The following USH2A variants were observed in gnomAD, a reference collection of about 807,000 sequenced individuals.
USH2A encodes Usher syndrome 2A (autosomal recessive, mild).
Under a neutral mutation model 538.9 loss-of-function variants are expected in USH2A, and 443 were observed. The ratio of observed to expected loss-of-function variants is 0.82; its 90% confidence interval spans 0.76 to 0.89. The LOEUF is 0.89. USH2A is among the 40% of genes least tolerant of loss of function. USH2A has a pLI of 0.00. For missense variants in USH2A, 6,633 were observed against 6,324.8 expected (o/e 1.05, Z -1.65); for synonymous variants, 2,413 against 2,273.5 (o/e 1.06, Z -1.75).
chr1:215,992,407 G>A (rs1046771543), intron 35 of USH2A, among the ~76,000 whole-genome samples: 6 of 151,792 alleles, frequency 4.0e-5, no homozygotes, highest in Non-Finnish European at 5.9e-5. Flanking sequence ...TTAGTGAAAC[G>A]TAACTGACTA....
rs1378545548 is a variant in USH2A at position 215,790,048 on chromosome 1, C to G, written c.10182+11G>C. ...CAAATCAGCGCCTCCGAGAGCTTTT[C>G]TATCAATTACCTTCATCATCATTCC... On this transcript the variant is annotated intron_variant, in intron 51 of 71. Transcript: ENST00000307340. 1 of 1,612,130 alleles carries G rather than the reference C, an allele frequency of 6.2e-7. No homozygotes were observed. The highest frequency in any genetic ancestry group is 1.1e-5 in the South Asian group (1 of 91,068).
At chr1:216,192,737 T>C (rs1459267761) in intron 19 of USH2A, among the ~76,000 whole-genome samples, 1 of 151,870 alleles carries the variant, frequency 6.6e-6, no homozygotes, top group East Asian at 1.9e-4. Flanking sequence ...TAAGGTGATA[T>C]ATCTATGTCC....
chr1:216,126,446 A>T (rs1360960448), intron 21 of USH2A, among the ~76,000 whole-genome samples: 1 of 151,990 alleles, frequency 6.6e-6, no homozygotes, highest in East Asian at 1.9e-4. Context: ...GCTGGTCTTG[A>T]ACTCCTGACC....
At chr1:215,649,966 C>T (rs1013928940) in intron 65 of USH2A, among the ~76,000 whole-genome samples, 2 of 152,142 alleles carry the variant, frequency 1.3e-5, no homozygotes, top group African/African-American at 2.4e-5. Flanking sequence ...GCTTGGCTAA[C>T]GCACAATGTG....
Position 216,022,244 on chromosome 1 carries a change from A to G in USH2A, c.6326-21682T>C, listed in dbSNP as rs558158149. ...ATAGGAACACTAAATGGACTGAGAC[A>G]GGTGGCCAGGCTACCAGCAGCATAC... is the stretch of plus-strand genomic sequence containing the variant. On this transcript the variant is annotated intron_variant, in intron 32 of 71. Coordinates refer to ENST00000307340, the MANE Select transcript of USH2A (RefSeq NM_206933.4). Among the ~76,000 whole-genome samples the G allele has an allele frequency of 3.9e-5, 6 of 152,210 alleles. No individual in the cohort carries two copies. The East Asian group carries it at 1.2e-3, about 30-fold the overall frequency.
At chr1:216,027,766 TAA>T (rs1415173490) in intron 32 of USH2A, among the ~76,000 whole-genome samples, 11 of 151,424 alleles carry the variant, frequency 7.3e-5, no homozygotes, top group Non-Finnish European at 1.3e-4. Flanking sequence ...AACATTTGAA[TAA>T]GAGACAATTT....
Position 215,630,482 on chromosome 1 carries a change from GTATATATATATATATATATATATATA to G in USH2A, c.15298-1473_15298-1448del, listed in dbSNP as rs1158726890. Among the ~76,000 whole-genome samples, 6 of 22,554 alleles carry G rather than the reference GTATATATATATATATATATATATATA, an allele frequency of 2.7e-4. No homozygotes were observed. In the South Asian group the frequency reaches 3.6e-3, roughly 14 times the overall value. 14.8% of individuals were successfully genotyped at this position (22,554 alleles called of 152,430 possible). On this transcript the variant is annotated intron_variant, in intron 70 of 71. Coordinates refer to ENST00000307340, the MANE Select transcript of USH2A (RefSeq NM_206933.4). ...TATATATGTATGTGTATGTGTGTGT[GTATATATATATATATATATATATATA>G]TATATATATATATATATATGAGAGA...
chr1:216,045,266 T>C (rs2102523738), intron 32 of USH2A, among the ~76,000 whole-genome samples: 1 of 152,224 alleles, frequency 6.6e-6, no homozygotes, highest in South Asian at 2.1e-4. Context: ...TATAAAATAA[T>C]ATGAAATACA....
intron 34 of USH2A, among the ~76,000 whole-genome samples, chr1:215,995,071 T>C (rs1668102634): frequency 6.6e-6 from 1 of 152,166 alleles, no homozygotes; most frequent in Non-Finnish European, 1.5e-5. Context: ...TTGTCACTAT[T>C]TTTTTCTTAT....
rs540404920 is a variant in USH2A, at chr1:216,212,873, T to C, written c.3157+4514A>G. Among the ~76,000 whole-genome samples, 7 of 152,220 alleles carry C rather than the reference T, an allele frequency of 4.6e-5. No homozygotes were observed. The South Asian group carries it at 1.2e-3, about 27-fold the overall frequency. ...TATTTGGCAATAAGTAATATATTTA[T>C]TACCACAGATAATATATACTAATGG... On this transcript the variant is annotated intron_variant, in intron 15 of 71. Transcript: ENST00000307340.
chr1:216,267,809 G>C (rs1050169076), intron 11 of USH2A, among the ~76,000 whole-genome samples: 13 of 151,986 alleles, frequency 8.6e-5, no homozygotes, highest in African/African-American at 3.1e-4. Flanking sequence ...CTCCCCAAGG[G>C]CCAGAACCTT....
At chr1:216,115,846 T>C (rs1241330475) in intron 21 of USH2A, among the ~76,000 whole-genome samples, 1 of 151,910 alleles carries the variant, frequency 6.6e-6, no homozygotes, top group African/African-American at 2.4e-5. Flanking sequence ...AATTATGAAT[T>C]GTAGAAATCT....
In USH2A at chr1:215,778,074, CAG is replaced by C. The variant is rs1661515225; in HGVS notation, c.10939+1767_10939+1768del. ...CATTATCTTTTTTTTTTTTTTGAGA[CAG>C]AGTCTCGTTCTGTTGCCCAGGCTGG... On this transcript the variant is annotated intron_variant, in intron 55 of 71. Coordinates refer to ENST00000307340, the MANE Select transcript of USH2A (RefSeq NM_206933.4). Among the ~76,000 whole-genome samples the C allele has an allele frequency of 3.5e-5, 5 of 144,266 alleles. 1 individual carries two copies. In the South Asian group the frequency reaches 1.1e-3, roughly 31 times the overall value. 94.6% of individuals were successfully genotyped at this position (144,266 alleles called of 152,430 possible).
chr1:215,927,057 A>G (rs751937438), intron 38 of USH2A, among the ~76,000 whole-genome samples: 1 of 152,156 alleles, frequency 6.6e-6, no homozygotes, highest in African/African-American at 2.4e-5. Flanking sequence ...AGTCAGCTGT[A>G]TTTTTTAAAC....
At chr1:215,782,674 T>C in intron 53 of USH2A, 64 bp downstream of exon 53, 1 of 1,539,862 alleles carries the variant, frequency 6.5e-7, no homozygotes, top group East Asian at 2.3e-5. Flanking sequence ...TAGATTGTAC[T>C]CATTTCAATT....
chr1:216,192,726 A>G (rs1021249937), intron 19 of USH2A, among the ~76,000 whole-genome samples: 6 of 151,960 alleles, frequency 3.9e-5, no homozygotes, highest in African/African-American at 1.5e-4. Flanking sequence ...AAAAAAGAGA[A>G]TAAGGTGATA....
intron 10 of USH2A, among the ~76,000 whole-genome samples, chr1:216,290,275 C>T (rs914998156): frequency 2.0e-5 from 3 of 152,014 alleles, no homozygotes; most frequent in Admixed American, 2.0e-4. Context: ...AATATGAAAA[C>T]TCATATTCTG....
At chr1:215,670,707 A>G (rs1036734620) in intron 64 of USH2A, among the ~76,000 whole-genome samples, 8 of 152,200 alleles carry the variant, frequency 5.3e-5, no homozygotes, top group Admixed American at 5.2e-4. Context: ...GGCAGAAACC[A>G]CTTTACTAAT....
chr1:216,351,281 G>C (rs573902919), intron 4 of USH2A, among the ~76,000 whole-genome samples: 5 of 152,166 alleles, frequency 3.3e-5, no homozygotes, highest in African/African-American at 9.7e-5. Flanking sequence ...GACCCAAAGT[G>C]GGGAGGTGGT....
Sources: allele counts gnomAD v4.1 joint callset (sites outside exome capture counted in the v4.1 genomes callset), GRCh38; gene constraint gnomAD v4.1.1; transcripts MANE v1.5; gene names NCBI Gene and HGNC (gene_info 2026-07-23, HGNC 2026-07-21).